Variants in DOCK11 observed in about 807,000 individuals in gnomAD.
The protein encoded by DOCK11 is dedicator of cytokinesis protein 11.
In DOCK11, 70 loss-of-function variants were observed where a neutral mutation model predicts 169.1. That is an observed-to-expected ratio of 0.41 (90% confidence interval 0.34 to 0.51). The LOEUF (loss-of-function observed/expected upper bound fraction) is 0.51. Ranked by LOEUF, DOCK11 falls within the 20% of genes least tolerant of loss-of-function variation. The pLI is 0.10. For missense variants in DOCK11, 1,166 were observed against 1,538.8 expected, an observed-to-expected ratio of 0.76 and a Z score of 4.05; for synonymous variants, 529 against 541.3, an observed-to-expected ratio of 0.98 and a Z score of 0.32.
At chrX:118,600,607 T>C (rs1476006578) in intron 23 of DOCK11, among the ~76,000 whole-genome samples, 2 of 110,776 alleles carry the variant, frequency 1.8e-5, no homozygotes, top group Non-Finnish European at 3.8e-5. Context: ...CATAAGTTAA[T>C]AAATATATAC....
Position 118,681,740 on chromosome X carries a change from G to A in DOCK11, c.5909G>A (p.Ser1970Asn). 3 of 1,207,323 alleles carry A rather than the reference G, an allele frequency of 2.5e-6. No homozygotes were observed. The South Asian group carries it at 5.3e-5, about 22-fold the overall frequency. The change falls in exon 51 of 53, where the codon AGC (serine) becomes AAC (asparagine). Residue 1970 changes from serine (S) to asparagine (N), a missense_variant. Physicochemically the swap from Ser to Asn is conservative, Grantham distance 46. Coordinates refer to ENST00000276202, the MANE Select transcript of DOCK11 (RefSeq NM_144658.4). Reference sequence around the variant, plus strand: ...TATGCAAGAGCTTTCTTAAATGACAGCCAAGCTAGCAAGTATCCACCTAAG... The same window carrying A: ...TATGCAAGAGCTTTCTTAAATGACAACCAAGCTAGCAAGTATCCACCTAAG... ...LAYARAFLND[S>N]QASKYPPKKV... is the part of the protein sequence containing the mutation.
intron 19 of DOCK11, among the ~76,000 whole-genome samples, chrX:118,592,321 C>T (rs1369298673): frequency 2.3e-5 from 2 of 86,454 alleles, no homozygotes; most frequent in Non-Finnish European, 4.6e-5. Flanking sequence ...TAATGATTGC[C>T]ACTCTAACTG....
intron 6 of DOCK11, among the ~76,000 whole-genome samples, chrX:118,549,106 C>CTG (rs57680469): frequency 1.3e-3 from 132 of 99,109 alleles, no homozygotes; most frequent in South Asian, 3.2e-3. Flanking sequence ...TGCTCATATT[C>CTG]TGTGTGTGTG....
chrX:118,631,788 A>G (rs775789652), intron 35 of DOCK11, among the ~76,000 whole-genome samples: 1 of 111,172 alleles, frequency 9.0e-6, no homozygotes, highest in South Asian at 3.8e-4. Flanking sequence ...CCAAAGAATG[A>G]GGGAAAGAGA....
In DOCK11 at chrX:118,639,379, A is replaced by G. The variant is rs998077866; in HGVS notation, c.4002-56A>G. On this transcript the variant is annotated intron_variant, in intron 37 of 52. Transcript: ENST00000276202. ...AATTTTTTTTAGTTAAAAAGATGAT[A>G]ACATTGAGATATGTTATTAGAGCAC... 1.8e-5 allele frequency: 21 copies of G among 1,144,770 alleles called. No homozygotes were observed. The African/African-American group carries it at 3.3e-4, about 18-fold the overall frequency. The allele number at this position is 1,144,770 out of a possible 1,213,427, so 94.3% of individuals were successfully genotyped here.
rs1228832407 is a variant in DOCK11, at chrX:118,647,745, ATATAATAATATATAATATATT to A, written c.4399-1199_4399-1179del. Among the ~76,000 whole-genome samples, 9 of 53,252 alleles carry A rather than the reference ATATAATAATATATAATATATT, an allele frequency of 1.7e-4. No homozygotes were observed. The South Asian group carries it at 3.3e-3, about 19-fold the overall frequency. 46.2% of individuals were successfully genotyped at this position (53,252 alleles called of 115,157 possible). ...AATAATTAATATAATATAATATAAT[ATATAATAATATATAATATATT>A]ATAATATATAATAATATATAATATA... On this transcript the variant is annotated intron_variant, in intron 40 of 52. Transcript: ENST00000276202.
intron 1 of DOCK11, among the ~76,000 whole-genome samples, chrX:118,510,222 G>A (rs1041750525): frequency 8.9e-6 from 1 of 112,009 alleles, no homozygotes; most frequent in African/African-American, 3.3e-5. Context: ...GGGGTCAGAG[G>A]GGTTCCCAGC....
intron 1 of DOCK11, among the ~76,000 whole-genome samples, chrX:118,510,169 A>G (rs2057641114): frequency 8.9e-6 from 1 of 112,087 alleles, no homozygotes; most frequent in Non-Finnish European, 1.9e-5. Flanking sequence ...TATTCTGCCT[A>G]TCACGCAAGA....
chrX:118,617,213 T>C (rs1233817082), intron 30 of DOCK11, among the ~76,000 whole-genome samples: 1 of 111,679 alleles, frequency 9.0e-6, no homozygotes, highest in Non-Finnish European at 1.9e-5. Context: ...TAAACTTGGC[T>C]GGGCGCGATG....
intron 40 of DOCK11, among the ~76,000 whole-genome samples, chrX:118,648,081 A>T (rs1255014641): frequency 1.9e-5 from 1 of 53,260 alleles, no homozygotes; most frequent in Non-Finnish European, 2.9e-5. Context: ...AATATATATA[A>T]TATAAATTGT....
rs1000324908 is a variant in DOCK11 at position 118,510,278 on chromosome X, C to T, written c.102+14205C>T. Among the ~76,000 whole-genome samples the T allele has an allele frequency of 5.3e-5, 6 of 112,330 alleles. No individual in the cohort carries two copies. The Admixed American group carries it at 5.6e-4, about 11-fold the overall frequency. On this transcript the variant is annotated intron_variant, in intron 1 of 52. Coordinates refer to ENST00000276202, the MANE Select transcript of DOCK11 (RefSeq NM_144658.4). ...GGAGGAGGAACAGGGATCTGGCAAACAGCCAGGCGCAGAAGTCTTCATAGA... is the reference window on the plus strand; with the variant it reads ...GGAGGAGGAACAGGGATCTGGCAAATAGCCAGGCGCAGAAGTCTTCATAGA...
At chrX:118,684,271 C>CTTT (rs1197326228) in intron 52 of DOCK11, among the ~76,000 whole-genome samples, 14 of 78,626 alleles carry the variant, frequency 1.8e-4, no homozygotes, top group Non-Finnish European at 3.0e-4. Flanking sequence ...TTTTTTTTTT[C>CTTT]TTTTTTTTTT....
chrX:118,593,699 A>G (rs1364655839), intron 20 of DOCK11, among the ~76,000 whole-genome samples: 1 of 110,985 alleles, frequency 9.0e-6, no homozygotes, highest in Non-Finnish European at 1.9e-5. Flanking sequence ...AGCGGCCCCC[A>G]TGATTCAATT....
chrX:118,610,483 A>C, intron 28 of DOCK11, 65 bp downstream of exon 28: 1 of 1,143,010 alleles, frequency 8.7e-7, no homozygotes. Flanking sequence ...CCCAAGAAAA[A>C]AATTAAGCAC....
rs149805252 is a variant in DOCK11 at position 118,671,131 on chromosome X, C to T, written c.5185C>T (p.Arg1729Cys). 2.2e-4 allele frequency: 270 copies of T among 1,202,092 alleles called. No homozygotes were observed. Among genetic ancestry groups the T allele is most frequent in the Non-Finnish European group, 2.6e-4 (232 of 890,677 alleles). ...GTTGATCGTTCCAATTTATGAGAAA[C>T]GTCGTGAGTTTGAGGTAGGCAATTT... ...SKLIVPIYEK[R>C]REFEKLTQVY... The change falls in exon 46 of 53, where the codon CGT (arginine) becomes TGT (cysteine). Residue 1729 changes from arginine (R) to cysteine (C), a missense_variant. Arg to Cys is a radical substitution (Grantham distance 180, BLOSUM62 -3). Transcript: ENST00000276202.
intron 11 of DOCK11, among the ~76,000 whole-genome samples, chrX:118,572,881 T>C (rs2013325556): frequency 8.9e-6 from 1 of 111,827 alleles, no homozygotes; most frequent in Non-Finnish European, 1.9e-5. Flanking sequence ...ACTTGCAAAA[T>C]CTTCAAATGC....
chrX:118,560,844 C>T (rs1207208272), intron 6 of DOCK11, among the ~76,000 whole-genome samples: 4 of 111,538 alleles, frequency 3.6e-5, no homozygotes, highest in African/African-American at 9.8e-5. Flanking sequence ...TTGGGGCACT[C>T]GACAACAACT....
At chrX:118,530,495 C>T (rs776496563) in intron 1 of DOCK11, among the ~76,000 whole-genome samples, 2 of 112,482 alleles carry the variant, frequency 1.8e-5, no homozygotes, top group South Asian at 7.3e-4. Context: ...ATATGTGGTC[C>T]TCCATAAACG....
chrX:118,507,739 G>T (rs1307661444), intron 1 of DOCK11, among the ~76,000 whole-genome samples: 1 of 111,996 alleles, frequency 8.9e-6, no homozygotes, highest in African/African-American at 3.2e-5. Flanking sequence ...GGCCTCATAT[G>T]TCTACAGGTC....
Sources: gnomAD v4.1 joint callset for allele counts (sites outside exome capture counted in the v4.1 genomes callset) on GRCh38, gnomAD v4.1.1 for gene constraint, MANE v1.5 for transcripts, NCBI Gene and HGNC (gene_info 2026-07-23, HGNC 2026-07-21) for gene names.